The following KCNQ1OT1 variants were observed in gnomAD, a reference collection of about 807,000 sequenced individuals.
KCNQ1OT1 encodes the protein KCNQ1 opposite strand/antisense transcript 1, also known as KCNQ1 antisense RNA 2 (non-protein coding).
exon 1 of KCNQ1OT1, chr11:2,699,699 A>AGGAGAACGGCGCCGAGGAGTCCCCGG: frequency 4.9e-6 from 1 of 203,752 alleles, no homozygotes; most frequent in Non-Finnish European, 7.7e-6. Context: ...GGGTGCCCCG[A>AGGAGAACGGCGCCGAGGAGTCCCCGG]GGAGAACGGC....
At position 2,670,627 on chromosome 11, in the gene KCNQ1OT1, T is replaced by C. The variant is rs564357911; in HGVS notation, n.29368A>G. 2.0e-5 allele frequency: 8 copies of C among 398,500 alleles called. No individual in the cohort carries two copies. The South Asian group carries it at 1.0e-3, about 51-fold the overall frequency. The allele number at this position is 398,500 out of a possible 1,614,324, so 24.7% of individuals were successfully genotyped here. A position where few individuals can be genotyped will look rare whatever the true frequency, so the allele number is the denominator to read the frequency against. ...CACAATCTCTGGGGGAGCCTGGATA[T>C]GCATGGCAGAGGCCAGGATGAACCC... On this transcript the variant is annotated non_coding_transcript_exon_variant, in exon 1 of 1. Coordinates refer to ENST00000597346, the Ensembl canonical transcript of KCNQ1OT1. This position sits in a 1 kb window ranked among gnomAD's most constrained non-coding sequence, Gnocchi z 4.9.
In KCNQ1OT1 at chr11:2,662,182, A is replaced by G; in HGVS notation, n.37813T>C. 17 of 1,524,868 alleles carry G rather than the reference A, an allele frequency of 1.1e-5. No homozygotes were observed. In the South Asian group the frequency reaches 1.2e-4, roughly 11 times the overall value. The allele number at this position is 1,524,868 out of a possible 1,614,324, so 94.5% of individuals were successfully genotyped here. A position where few individuals can be genotyped will look rare whatever the true frequency, so the allele number is the denominator to read the frequency against. ...AGCCTTGCTCTCTGGCCAGAGTGCT[A>G]TCTACTCGCCTAGTGCCCACCACTT... On this transcript the variant is annotated non_coding_transcript_exon_variant, in exon 1 of 1. Coordinates refer to ENST00000597346, the Ensembl canonical transcript of KCNQ1OT1.
chr11:2,633,069 C>T (rs1241803013), exon 1 of KCNQ1OT1: 8 of 398,316 alleles, frequency 2.0e-5, no homozygotes, highest in Non-Finnish European at 3.5e-5. Flanking sequence ...GCATCCTTGC[C>T]AGCATTTGTT....
Position 2,679,641 on chromosome 11 carries a change from AG to A in KCNQ1OT1, n.20353del. The stretch of plus-strand genomic sequence containing the variant: ...TAGTATCAGCATCAGAAAAAATACA[AG>A]TGCATCCTCATAAGATTATTTAGGA... On this transcript the variant is annotated non_coding_transcript_exon_variant, in exon 1 of 1. Transcript: ENST00000597346. This position sits in a 1 kb window ranked among gnomAD's most constrained non-coding sequence, Gnocchi z 4.8. 2.5e-6 allele frequency: 1 copy of A among 398,618 alleles called. No individual in the cohort carries two copies. The highest frequency in any genetic ancestry group is 4.4e-6 in the Non-Finnish European group (1 of 226,062). The allele number at this position is 398,618 out of a possible 1,614,324, so 24.7% of individuals were successfully genotyped here.
chr11:2,667,360 G>C (rs1850095731), exon 1 of KCNQ1OT1: 2 of 398,666 alleles, frequency 5.0e-6, no homozygotes, highest in Non-Finnish European at 8.8e-6. Context: ...GCAAGGGAAA[G>C]GCCATCCAAA....
chr11:2,674,327 C>G lies in KCNQ1OT1; in HGVS notation n.25668G>C. 2.5e-6 allele frequency: 1 copy of G among 398,676 alleles called. No individual in the cohort carries two copies. The highest frequency in any genetic ancestry group is 4.4e-6 in the Non-Finnish European group (1 of 226,138). 24.7% of individuals were successfully genotyped at this position (398,676 alleles called of 1,614,324 possible). A position where few individuals can be genotyped will look rare whatever the true frequency, so the allele number is the denominator to read the frequency against. ...CGTAGAGCTGGAGGCCAAGGACACCCTCTGGAAATCTGAATTCCATTCGCT... is the reference window on the plus strand; with the variant it reads ...CGTAGAGCTGGAGGCCAAGGACACCGTCTGGAAATCTGAATTCCATTCGCT... On this transcript the variant is annotated non_coding_transcript_exon_variant, in exon 1 of 1. Coordinates refer to ENST00000597346, the Ensembl canonical transcript of KCNQ1OT1. This position sits in a 1 kb window ranked among gnomAD's most constrained non-coding sequence, Gnocchi z 5.9.
At position 2,642,082 on chromosome 11, in the gene KCNQ1OT1, C is replaced by A; in HGVS notation, n.57913G>T. The stretch of plus-strand genomic sequence containing the variant: ...TGCATCCAACTTTGTTATTTTTGCT[C>A]AGAATTGCTGTGGCTATTCCAGCTC... On this transcript the variant is annotated non_coding_transcript_exon_variant, in exon 1 of 1. Transcript: ENST00000597346. The surrounding 1 kb of genome is among the most constrained non-coding windows in gnomAD (Gnocchi z 4.3). The A allele has an allele frequency of 2.5e-6, 1 of 398,302 alleles. No individual in the cohort carries two copies. Among genetic ancestry groups the A allele is most frequent in the South Asian group, 1.3e-4 (1 of 7,838 alleles). 24.7% of individuals were successfully genotyped at this position (398,302 alleles called of 1,614,324 possible). A position where few individuals can be genotyped will look rare whatever the true frequency, so the allele number is the denominator to read the frequency against.
Position 2,624,921 on chromosome 11 carries a change from A to T in KCNQ1OT1, n.75074T>A, listed in dbSNP as rs969783262. 5 of 398,166 alleles carry T rather than the reference A, an allele frequency of 1.3e-5. No homozygotes were observed. The highest frequency in any genetic ancestry group is 2.2e-5 in the Non-Finnish European group (5 of 225,976). The allele number at this position is 398,166 out of a possible 1,614,324, so 24.7% of individuals were successfully genotyped here. A position where few individuals can be genotyped will look rare whatever the true frequency, so the allele number is the denominator to read the frequency against. ...TGTTGTGGCATGTGTCAAAATTTCTATTTTTTTTAAAGCTGAATAATATTA... is the reference window on the plus strand; with the variant it reads ...TGTTGTGGCATGTGTCAAAATTTCTTTTTTTTTTAAAGCTGAATAATATTA... On this transcript the variant is annotated non_coding_transcript_exon_variant, in exon 1 of 1. Coordinates refer to ENST00000597346, the Ensembl canonical transcript of KCNQ1OT1. The surrounding 1 kb of genome is among the most constrained non-coding windows in gnomAD (Gnocchi z 4.9).
In KCNQ1OT1 at chr11:2,671,167, G is replaced by C; in HGVS notation, n.28828C>G. The C allele has an allele frequency of 2.5e-6, 1 of 398,616 alleles. No homozygotes were observed. 24.7% of individuals were successfully genotyped at this position (398,616 alleles called of 1,614,324 possible). A position where few individuals can be genotyped will look rare whatever the true frequency, so the allele number is the denominator to read the frequency against. On this transcript the variant is annotated non_coding_transcript_exon_variant, in exon 1 of 1. Transcript: ENST00000597346. This position sits in a 1 kb window ranked among gnomAD's most constrained non-coding sequence, Gnocchi z 4.7. ...GGCCTGAGGTGCCATCTTAGAAATA[G>C]GGCCTTGTTAGGAGAAAAGGAAAGA...
At chr11:2,629,638 C>T (rs1262914842) in exon 1 of KCNQ1OT1, 2 of 398,270 alleles carry the variant, frequency 5.0e-6, no homozygotes, top group African/African-American at 2.1e-5. Context: ...ATCATGCGTT[C>T]ATATATGAAA....
exon 1 of KCNQ1OT1, chr11:2,699,280 C>T (rs1042186993): frequency 3.8e-5 from 15 of 398,814 alleles, no homozygotes; most frequent in Admixed American, 8.8e-5. Context: ...GGCCAGGCTG[C>T]ACTGCTGACG....
exon 1 of KCNQ1OT1, chr11:2,616,209 T>C: frequency 2.5e-6 from 1 of 397,626 alleles, no homozygotes; most frequent in East Asian, 3.6e-5. Context: ...CTTTTGTTTT[T>C]TTTTCTTATT....
exon 1 of KCNQ1OT1, chr11:2,699,417 C>T (rs1159662939): frequency 5.0e-6 from 2 of 398,306 alleles, no homozygotes; most frequent in Non-Finnish European, 8.8e-6. Context: ...TGGGGAGGGC[C>T]GCGCTGAGGA....
exon 1 of KCNQ1OT1, chr11:2,644,214 GGGA>G (rs1849628625): frequency 5.0e-6 from 2 of 398,252 alleles, no homozygotes; most frequent in African/African-American, 2.1e-5. Flanking sequence ...TTCACCTTCT[GGGA>G]CACTGAAGGT....
chr11:2,635,100 G>T lies in KCNQ1OT1; in HGVS notation n.64895C>A, dbSNP rs369299776. On this transcript the variant is annotated non_coding_transcript_exon_variant, in exon 1 of 1. Coordinates refer to ENST00000597346, the Ensembl canonical transcript of KCNQ1OT1. Reference sequence around the variant, plus strand: ...ATATTAGCCTTTTATCAGATGAGTAGATTGCAAAAAATTTCTCCCATTCTG... The same window carrying T: ...ATATTAGCCTTTTATCAGATGAGTATATTGCAAAAAATTTCTCCCATTCTG... The T allele has an allele frequency of 6.6e-5, 10 of 152,280 alleles. No individual in the cohort carries two copies. The East Asian group carries it at 1.9e-3, about 29-fold the overall frequency. 9.4% of individuals were successfully genotyped at this position (152,280 alleles called of 1,614,324 possible).
chr11:2,609,609 A>G (rs1848944231), exon 1 of KCNQ1OT1: 1 of 398,274 alleles, frequency 2.5e-6, no homozygotes, highest in Non-Finnish European at 4.4e-6. Flanking sequence ...CACATTATTG[A>G]AAGTGGAGTG....
Position 2,621,419 on chromosome 11 carries a change from A to G in KCNQ1OT1, n.78576T>C. On this transcript the variant is annotated non_coding_transcript_exon_variant, in exon 1 of 1. Coordinates refer to ENST00000597346, the Ensembl canonical transcript of KCNQ1OT1. This position sits in a 1 kb window ranked among gnomAD's most constrained non-coding sequence, Gnocchi z 5.7. Reference sequence around the variant, plus strand: ...TCGTTTTTTGCTTGTTGATTGGTTTAAGTTCCTTATGGATTCTGGACATAG... The same window carrying G: ...TCGTTTTTTGCTTGTTGATTGGTTTGAGTTCCTTATGGATTCTGGACATAG... 2.5e-6 allele frequency: 1 copy of G among 398,512 alleles called. No individual in the cohort carries two copies. Among genetic ancestry groups the G allele is most frequent in the Non-Finnish European group, 4.4e-6 (1 of 226,036 alleles). The allele number at this position is 398,512 out of a possible 1,614,324, so 24.7% of individuals were successfully genotyped here. A position where few individuals can be genotyped will look rare whatever the true frequency, so the allele number is the denominator to read the frequency against.
In KCNQ1OT1 at chr11:2,624,175, T is replaced by G; in HGVS notation, n.75820A>C. The G allele has an allele frequency of 7.5e-6, 3 of 398,620 alleles. No individual in the cohort carries two copies. Among genetic ancestry groups the G allele is most frequent in the Non-Finnish European group, 1.3e-5 (3 of 226,050 alleles). The allele number at this position is 398,620 out of a possible 1,614,324, so 24.7% of individuals were successfully genotyped here. On this transcript the variant is annotated non_coding_transcript_exon_variant, in exon 1 of 1. Coordinates refer to ENST00000597346, the Ensembl canonical transcript of KCNQ1OT1. This position sits in a 1 kb window ranked among gnomAD's most constrained non-coding sequence, Gnocchi z 4.9. ...TCCATTTCCCTAATGACGTAAGATG[T>G]GGGGCATCTTTTCATATACTTAGTT...
rs1295102098 is a variant in KCNQ1OT1 at position 2,658,993 on chromosome 11, T to C, written n.41002A>G. The C allele has an allele frequency of 2.5e-6, 1 of 398,512 alleles. No homozygotes were observed. Among genetic ancestry groups the C allele is most frequent in the African/African-American group, 2.1e-5 (1 of 48,630 alleles). The allele number at this position is 398,512 out of a possible 1,614,324, so 24.7% of individuals were successfully genotyped here. On this transcript the variant is annotated non_coding_transcript_exon_variant, in exon 1 of 1. Coordinates refer to ENST00000597346, the Ensembl canonical transcript of KCNQ1OT1. This position sits in a 1 kb window ranked among gnomAD's most constrained non-coding sequence, Gnocchi z 4.9. ...AGAGTGTCCAGTCAAAACAGTGTTT[T>C]TGAAAGCAACATATGCCAGCTCCTC...
Sources: gnomAD v4.1 joint callset for allele counts on GRCh38, gnomAD v4.1.1 for gene constraint, Gnocchi (gnomAD v3.1) non-coding constraint, MANE v1.5 for transcripts, NCBI Gene and HGNC (gene_info 2026-07-23, HGNC 2026-07-21) for gene names.